ATF7: variants seen among roughly 807,000 people sequenced by gnomAD.
ATF7 encodes the protein activating transcription factor 7.
ATF7 carries 10 observed loss-of-function variants against 50.4 expected under a neutral mutation model. That is an observed-to-expected ratio of 0.20 (90% CI 0.12 to 0.34). ATF7 has a LOEUF of 0.34. Among genes scored for constraint, ATF7 ranks in the 10% least tolerant of loss-of-function variants. The probability of loss-of-function intolerance (pLI) is 1.00; values close to 1 mark genes in which losing one functional copy is unlikely to be tolerated. For synonymous variants in ATF7, 201 were observed against 226.4 expected, an observed-to-expected ratio of 0.89 and a Z score of 1.01; for missense variants, 465 against 613.9, an observed-to-expected ratio of 0.76 and a Z score of 2.56.
At chr12:53,519,660 C>T (rs1937979088) in intron 11 of ATF7, among the ~76,000 whole-genome samples, 1 of 152,120 alleles carries the variant, frequency 6.6e-6, no homozygotes, top group Admixed American at 6.6e-5. Flanking sequence ...TATCAGAGTT[C>T]TTGCAGGGAC....
chr12:53,613,973 T>A (rs1242456165), intron 1 of ATF7, among the ~76,000 whole-genome samples: 1 of 151,954 alleles, frequency 6.6e-6, no homozygotes, highest in African/African-American at 2.4e-5. Flanking sequence ...AGCTCAGACA[T>A]GCAGAAACTG....
intron 2 of ATF7, among the ~76,000 whole-genome samples, chr12:53,563,125 C>T (rs1421087856): frequency 6.6e-6 from 1 of 152,130 alleles, no homozygotes; most frequent in Non-Finnish European, 1.5e-5. Flanking sequence ...GTGTTCCTCT[C>T]TCCATTGTTT....
At chr12:53,521,953 G>GTGGAAAAATAATACAA (rs1938150321) in intron 11 of ATF7, among the ~76,000 whole-genome samples, 2 of 152,182 alleles carry the variant, frequency 1.3e-5, no homozygotes. Context: ...AAATAATACA[G>GTGGAAAAATAATACAA]TGGAAAAATA....
chr12:53,534,636 C>T lies in ATF7; in HGVS notation c.426G>A (p.Leu142=). The T allele has an allele frequency of 6.2e-7, 1 of 1,612,490 alleles. No homozygotes were observed. Among genetic ancestry groups the T allele is most frequent in the Non-Finnish European group, 8.5e-7 (1 of 1,179,492 alleles). ...CAATGGTGGGTGTGGGGGTAGAGAT[C>T]AGAACAGGCTTTGGGGTAACCTCCT... ...KEKEVTPKPV[L]ISTPTPTIVR... Residue 142 remains leucine, a synonymous_variant, in exon 6 of 12, where the codon CTG becomes CTA. Transcript: ENST00000420353.
intron 4 of ATF7, 27 bp downstream of exon 4, chr12:53,543,302 GT>G (rs769377214): frequency 1.9e-6 from 3 of 1,559,674 alleles, no homozygotes; most frequent in African/African-American, 2.7e-5. Context: ...AATACCACCA[GT>G]TTTTTGGCAA....
chr12:53,559,682 A>G (rs1190344650), intron 2 of ATF7, among the ~76,000 whole-genome samples: 1 of 150,988 alleles, frequency 6.6e-6, no homozygotes, highest in Non-Finnish European at 1.5e-5. Context: ...CCATCTCAAA[A>G]AAAAAAAAAA....
At chr12:53,593,253 T>A (rs922712766) in intron 2 of ATF7, among the ~76,000 whole-genome samples, 1 of 151,922 alleles carries the variant, frequency 6.6e-6, no homozygotes, top group Non-Finnish European at 1.5e-5. Flanking sequence ...AATAAAAACA[T>A]AAAATTAGCC....
intron 3 of ATF7, 27 bp from the exon 4 acceptor site, chr12:53,543,475 G>A (rs1340252478): frequency 6.5e-7 from 1 of 1,532,092 alleles, no homozygotes; most frequent in East Asian, 2.4e-5. Context: ...AAAGGAAACT[G>A]TTTTAGTTTT....
At chr12:53,530,111 A>G (rs1185200687) in intron 9 of ATF7, among the ~76,000 whole-genome samples, 1 of 152,206 alleles carries the variant, frequency 6.6e-6, no homozygotes, top group Non-Finnish European at 1.5e-5. Context: ...TCCCCAAGAG[A>G]GAAGGCAGCA....
chr12:53,556,188 C>G (rs185120754), intron 2 of ATF7, among the ~76,000 whole-genome samples: 1 of 152,206 alleles, frequency 6.6e-6, no homozygotes, highest in Non-Finnish European at 1.5e-5. Context: ...AATGTACTTA[C>G]GATGTTGGCC....
chr12:53,552,677 C>CA (rs1451206684), intron 2 of ATF7, 40 bp from the exon 3 acceptor site: 1 of 1,517,108 alleles, frequency 6.6e-7, no homozygotes, highest in Non-Finnish European at 9.1e-7. Flanking sequence ...AAAACAAAAA[C>CA]AAAAACCCGA....
chr12:53,611,019 G>A (rs1330529216), intron 1 of ATF7, among the ~76,000 whole-genome samples: 3 of 151,912 alleles, frequency 2.0e-5, no homozygotes, highest in African/African-American at 7.3e-5. Context: ...GAGACAGGGG[G>A]TCTTGCCATG....
chr12:53,540,758 AAAAT>A (rs1303140126), intron 4 of ATF7, among the ~76,000 whole-genome samples: 3 of 151,916 alleles, frequency 2.0e-5, no homozygotes, highest in Non-Finnish European at 2.9e-5. Context: ...ATAATAAAAT[AAAAT>A]AAATAAAGAC....
chr12:53,603,735 A>AG (rs1943494573), intron 1 of ATF7, among the ~76,000 whole-genome samples: 1 of 151,824 alleles, frequency 6.6e-6, no homozygotes, highest in African/African-American at 2.4e-5. Flanking sequence ...AAAAAAAAAA[A>AG]CACAGCTAAC....
In ATF7 at chr12:53,576,880, C is replaced by T. The variant is rs200746835; in HGVS notation, c.48+24073G>A. Among the ~76,000 whole-genome samples, 13 of 151,918 alleles carry T rather than the reference C, an allele frequency of 8.6e-5. No homozygotes were observed. The East Asian group carries it at 2.3e-3, about 27-fold the overall frequency. On this transcript the variant is annotated intron_variant, in intron 2 of 11. Coordinates refer to ENST00000420353, the MANE Select transcript of ATF7 (RefSeq NM_006856.3). ...GACCAGCCTGGCCAACATGGTGAAA[C>T]CCCCGTCTCTACTAAAAATACAAAA...
intron 2 of ATF7, among the ~76,000 whole-genome samples, chr12:53,565,684 G>T (rs996168035): frequency 1.1e-4 from 17 of 152,058 alleles, no homozygotes; most frequent in African/African-American, 3.9e-4. Flanking sequence ...GTAGAGATGG[G>T]GTTTCACCAT....
At chr12:53,612,101 G>A (rs900670803) in intron 1 of ATF7, among the ~76,000 whole-genome samples, 5 of 144,070 alleles carry the variant, frequency 3.5e-5, no homozygotes, top group Admixed American at 7.2e-5. Context: ...TCAGCCTCCC[G>A]AGCACCTGGG....
At chr12:53,590,894 A>G (rs527695374) in intron 2 of ATF7, among the ~76,000 whole-genome samples, 2 of 152,332 alleles carry the variant, frequency 1.3e-5, no homozygotes, top group African/African-American at 4.8e-5. Context: ...GGTGGGATGA[A>G]TAGGTGGAGA....
rs371466393 is a variant in ATF7 at position 53,575,348 on chromosome 12, G to A, written c.49-22711C>T. 6.6e-5 allele frequency among the ~76,000 whole-genome samples: 10 copies of A among 151,450 alleles called. No homozygotes were observed. The South Asian group carries it at 1.0e-3, about 16-fold the overall frequency. Reference sequence around the variant, plus strand: ...CTTGAACCCAGGAGGCGGAGGCTGCGGTGAGCCGAGATTGTGCCATTGCAC... The same window carrying A: ...CTTGAACCCAGGAGGCGGAGGCTGCAGTGAGCCGAGATTGTGCCATTGCAC... On this transcript the variant is annotated intron_variant, in intron 2 of 11. Transcript: ENST00000420353.
Sources: allele counts gnomAD v4.1 joint callset (sites outside exome capture counted in the v4.1 genomes callset), GRCh38; gene constraint gnomAD v4.1.1; transcripts MANE v1.5; gene names NCBI Gene and HGNC (gene_info 2026-07-23, HGNC 2026-07-21).